Variants in ATP8A2 observed in about 807,000 individuals in gnomAD.
ATP8A2 encodes the protein phospholipid-transporting ATPase IB.
Under a neutral mutation model 165.6 loss-of-function variants are expected in ATP8A2, and 100 were observed. That is an observed-to-expected ratio of 0.60 (90% CI 0.51 to 0.71). The LOEUF (loss-of-function observed/expected upper bound fraction) is 0.71, where lower values mean the gene tolerates loss of function less well. Among genes scored for constraint, ATP8A2 ranks in the 30% least tolerant of loss-of-function variants. The pLI is 0.00. For missense variants in ATP8A2, 1,227 were observed against 1,479.5 expected (o/e 0.83, Z 2.80); for synonymous variants, 543 against 548.8 (o/e 0.99, Z 0.15).
At chr13:25,450,704 TG>T (rs1566142217) in intron 1 of ATP8A2, among the ~76,000 whole-genome samples, 1 of 152,082 alleles carries the variant, frequency 6.6e-6, no homozygotes, top group Non-Finnish European at 1.5e-5. Flanking sequence ...GCTAATTTTT[TG>T]TATTTTTAAT....
chr13:25,429,812 G>A (rs2034555729), intron 1 of ATP8A2, among the ~76,000 whole-genome samples: 1 of 152,184 alleles, frequency 6.6e-6, no homozygotes, highest in Non-Finnish European at 1.5e-5. Context: ...TGGGCAGGGA[G>A]CGCTCTCCAG....
chr13:25,374,026 T>C (rs1209703290), intron 1 of ATP8A2, among the ~76,000 whole-genome samples: 1 of 152,150 alleles, frequency 6.6e-6, no homozygotes, highest in African/African-American at 2.4e-5. Flanking sequence ...CTAAGAATTA[T>C]GTGATCAGCT....
At chr13:25,881,390 A>G (rs188605903) in intron 33 of ATP8A2, among the ~76,000 whole-genome samples, 95 of 152,260 alleles carry the variant, frequency 6.2e-4, no homozygotes, top group African/African-American at 2.2e-3. Flanking sequence ...GAAGTTTCTC[A>G]TGTGGGGTTG....
intron 24 of ATP8A2, among the ~76,000 whole-genome samples, chr13:25,678,465 A>G (rs916339140): frequency 7.0e-6 from 1 of 143,538 alleles, no homozygotes; most frequent in Admixed American, 7.1e-5. Flanking sequence ...ATGCCAAGGT[A>G]AATGCCACTG....
intron 33 of ATP8A2, among the ~76,000 whole-genome samples, chr13:25,945,079 A>T (rs1455937045): frequency 1.3e-5 from 2 of 152,282 alleles, no homozygotes; most frequent in East Asian, 3.9e-4. Flanking sequence ...ATTGATGAAA[A>T]CAGGAAATAC....
chr13:25,988,868 G>T (rs1566330674), intron 35 of ATP8A2, among the ~76,000 whole-genome samples: 1 of 152,216 alleles, frequency 6.6e-6, no homozygotes, highest in Non-Finnish European at 1.5e-5. Flanking sequence ...TGTTCTATTT[G>T]CAATTCTTAT....
intron 33 of ATP8A2, among the ~76,000 whole-genome samples, chr13:25,909,927 T>C (rs1264703383): frequency 6.6e-6 from 1 of 152,312 alleles, no homozygotes; most frequent in Non-Finnish European, 1.5e-5. Context: ...CTCATTTCAC[T>C]GACTGTGTTT....
intron 24 of ATP8A2, among the ~76,000 whole-genome samples, chr13:25,683,420 G>A (rs34109650): frequency 0.36 from 54,930 of 152,072 alleles, 10,784 homozygotes; most frequent in Middle Eastern, 0.46. Context: ...ACTAGATTTT[G>A]TGTGTAGTTT....
intron 1 of ATP8A2, among the ~76,000 whole-genome samples, chr13:25,399,397 CTTTT>C (rs71077467): frequency 4.3e-4 from 32 of 74,054 alleles, no homozygotes; most frequent in African/African-American, 1.2e-3. Context: ...AGTGGTTCTT[CTTTT>C]TTTTTTTTTT....
intron 18 of ATP8A2, among the ~76,000 whole-genome samples, chr13:25,573,654 G>A (rs1184826492): frequency 6.7e-6 from 1 of 149,894 alleles, no homozygotes; most frequent in Non-Finnish European, 1.5e-5. Flanking sequence ...TGTGGACGTG[G>A]TTGATATAAC....
chr13:25,723,367 T>A (rs989560765), intron 25 of ATP8A2, among the ~76,000 whole-genome samples: 1 of 151,946 alleles, frequency 6.6e-6, no homozygotes, highest in Non-Finnish European at 1.5e-5. Flanking sequence ...AAATGCTATC[T>A]CCTTTCTCTA....
At position 25,465,731 on chromosome 13, in the gene ATP8A2, CTT is replaced by C. The variant is rs1566153512; in HGVS notation, c.77-3244_77-3243del. Among the ~76,000 whole-genome samples the C allele has an allele frequency of 7.0e-4, 48 of 68,150 alleles. 4 individuals carry two copies. The highest frequency in any genetic ancestry group is 2.8e-3 in the African/African-American group (41 of 14,798). 44.7% of individuals were successfully genotyped at this position (68,150 alleles called of 152,430 possible). A position where few individuals can be genotyped will look rare whatever the true frequency, so the allele number is the denominator to read the frequency against. On this transcript the variant is annotated intron_variant, in intron 1 of 36. Coordinates refer to ENST00000381655, the MANE Select transcript of ATP8A2 (RefSeq NM_016529.6). The stretch of plus-strand genomic sequence containing the variant: ...TCTTTCTTTCTTTCTTTCTTTCTTT[CTT>C]TCTTTCCCTCCCTCCCTCTCTCTCT...
chr13:25,544,244 T>G (rs1293244131), intron 10 of ATP8A2, among the ~76,000 whole-genome samples: 1 of 152,238 alleles, frequency 6.6e-6, no homozygotes, highest in Non-Finnish European at 1.5e-5. Context: ...AGAGAGATAC[T>G]GGAATGTGTG....
chr13:26,003,730 C>A (rs1169329225), intron 35 of ATP8A2, among the ~76,000 whole-genome samples: 1 of 152,062 alleles, frequency 6.6e-6, no homozygotes, highest in Non-Finnish European at 1.5e-5. Flanking sequence ...TTTCATTCTT[C>A]TGCATGTGAA....
intron 13 of ATP8A2, among the ~76,000 whole-genome samples, chr13:25,556,761 A>G (rs1273204567): frequency 3.9e-5 from 6 of 152,160 alleles, no homozygotes; most frequent in Non-Finnish European, 7.3e-5. Context: ...TTTATAGAGA[A>G]GGAAAGGAGT....
At chr13:25,960,192 G>A (rs960970092) in intron 33 of ATP8A2, among the ~76,000 whole-genome samples, 2 of 152,178 alleles carry the variant, frequency 1.3e-5, no homozygotes, top group Non-Finnish European at 2.9e-5. Context: ...GAGTATAGAC[G>A]CTGGGCAGGG....
intron 33 of ATP8A2, among the ~76,000 whole-genome samples, chr13:25,901,399 T>G (rs570187560): frequency 2.1e-4 from 31 of 151,212 alleles, no homozygotes; most frequent in African/African-American, 7.3e-4. Flanking sequence ...AATTTATGTT[T>G]ATGTGAAAGA....
At chr13:25,449,141 CT>C (rs1216823911) in intron 1 of ATP8A2, among the ~76,000 whole-genome samples, 2 of 152,118 alleles carry the variant, frequency 1.3e-5, no homozygotes, top group Admixed American at 6.6e-5. Flanking sequence ...CCCTTCTCAT[CT>C]TTCTCTCTTT....
chr13:25,886,358 A>T (rs1953154481), intron 33 of ATP8A2, among the ~76,000 whole-genome samples: 2 of 151,862 alleles, frequency 1.3e-5, no homozygotes, highest in African/African-American at 4.8e-5. Flanking sequence ...TCAGTGTGGA[A>T]ACGGTGGCAC....
Sources: allele counts gnomAD v4.1 joint callset (sites outside exome capture counted in the v4.1 genomes callset), GRCh38; gene constraint gnomAD v4.1.1; transcripts MANE v1.5; gene names NCBI Gene and HGNC (gene_info 2026-07-23, HGNC 2026-07-21).